Variants in WDR70 observed in about 807,000 individuals in gnomAD.
The protein encoded by WDR70 is WD repeat-containing protein 70.
Under a neutral mutation model 88.6 loss-of-function variants are expected in WDR70, and 53 were observed. That is an observed-to-expected ratio of 0.60 (90% CI 0.48 to 0.75). WDR70 has a LOEUF of 0.75. WDR70 is among the 30% of genes least tolerant of loss of function. WDR70 has a pLI of 0.00. For synonymous variants in WDR70, 280 were observed against 270.0 expected (o/e 1.04, Z -0.36); for missense variants, 610 against 823.2 (o/e 0.74, Z 3.17).
chr5:37,459,176 A>G (rs1206434881), intron 7 of WDR70, among the ~76,000 whole-genome samples: 1 of 69,844 alleles, frequency 1.4e-5, no homozygotes, highest in African/African-American at 4.7e-5. Context: ...GTTTGATTGC[A>G]CTGTGGTCTG....
chr5:37,564,912 T>A (rs947977370), intron 9 of WDR70, among the ~76,000 whole-genome samples: 1 of 152,226 alleles, frequency 6.6e-6, no homozygotes, highest in African/African-American at 2.4e-5. Context: ...TGTTAATTGA[T>A]ACTTTTCTAG....
At chr5:37,549,116 C>G (rs1742073912) in intron 9 of WDR70, among the ~76,000 whole-genome samples, 1 of 152,158 alleles carries the variant, frequency 6.6e-6, no homozygotes, top group Non-Finnish European at 1.5e-5. Flanking sequence ...ATAGCTTTGA[C>G]TATTCTGAGT....
At chr5:37,726,501 A>T (rs527521121) in intron 16 of WDR70, among the ~76,000 whole-genome samples, 2 of 152,224 alleles carry the variant, frequency 1.3e-5, no homozygotes, top group Non-Finnish European at 2.9e-5. Context: ...GACTTGGAAG[A>T]TGCCAAGCCC....
Position 37,728,783 on chromosome 5 carries a change from A to G in WDR70, c.1877+1738A>G, listed in dbSNP as rs73067728. 7.5e-3 allele frequency among the ~76,000 whole-genome samples: 1,139 copies of G among 152,234 alleles called. 18 individuals are homozygous for G. Among genetic ancestry groups the G allele is most frequent in the African/African-American group, 0.026 (1,073 of 41,556 alleles). On this transcript the variant is annotated intron_variant, in intron 17 of 17. Transcript: ENST00000265107. ...GGGAGTGATATTTTAAGACTATGCAAATCCTGTTTCTCCTCAATTTTGCTG... is the reference window on the plus strand; with the variant it reads ...GGGAGTGATATTTTAAGACTATGCAGATCCTGTTTCTCCTCAATTTTGCTG...
chr5:37,441,641 A>G lies in WDR70; in HGVS notation c.553-1598A>G, dbSNP rs189047118. ...GAGACCAGCCTGGTCAACAAGTGAAACCCCTTCTCTACTAAAAAATACAAA... is the reference window on the plus strand; with the variant it reads ...GAGACCAGCCTGGTCAACAAGTGAAGCCCCTTCTCTACTAAAAAATACAAA... On this transcript the variant is annotated intron_variant, in intron 6 of 17. Transcript: ENST00000265107. Among the ~76,000 whole-genome samples, 503 of 151,782 alleles carry G rather than the reference A, an allele frequency of 3.3e-3. 2 individuals are homozygous for G. The highest frequency in any genetic ancestry group is 0.031 in the Middle Eastern group (9 of 292).
chr5:37,421,375 A>G (rs1749941217), intron 5 of WDR70, among the ~76,000 whole-genome samples: 1 of 152,232 alleles, frequency 6.6e-6, no homozygotes, highest in South Asian at 2.1e-4. Context: ...ATGCTGATCA[A>G]TACTTAGTAC....
At chr5:37,561,397 C>T (rs958554103) in intron 9 of WDR70, among the ~76,000 whole-genome samples, 2 of 152,158 alleles carry the variant, frequency 1.3e-5, no homozygotes, top group Admixed American at 1.3e-4. Flanking sequence ...TAAAGTCTTC[C>T]TCATCGATAT....
intron 5 of WDR70, among the ~76,000 whole-genome samples, chr5:37,417,540 GTT>G (rs35357658): frequency 1.1e-3 from 155 of 143,044 alleles, no homozygotes; most frequent in Non-Finnish European, 1.4e-3. Flanking sequence ...CCCCACCGAC[GTT>G]TTTTTTTTTT....
chr5:37,740,149 C>G (rs777893433), intron 17 of WDR70, among the ~76,000 whole-genome samples: 4 of 152,160 alleles, frequency 2.6e-5, no homozygotes, highest in Admixed American at 6.6e-5. Context: ...GACCATCCCC[C>G]AGGGAAGAAA....
intron 10 of WDR70, among the ~76,000 whole-genome samples, chr5:37,649,780 CA>C (rs1441643026): frequency 1.8e-5 from 2 of 110,740 alleles, no homozygotes; most frequent in Non-Finnish European, 3.3e-5. Flanking sequence ...CTCTGTCGCC[CA>C]GGCTGGAGTG....
At chr5:37,660,224 C>G (rs995251206) in intron 10 of WDR70, among the ~76,000 whole-genome samples, 1 of 151,898 alleles carries the variant, frequency 6.6e-6, no homozygotes, top group African/African-American at 2.4e-5. Context: ...GTTTTTTGAT[C>G]CAGAATATAG....
intron 13 of WDR70, among the ~76,000 whole-genome samples, chr5:37,713,192 G>A (rs901154659): frequency 2.6e-5 from 4 of 152,158 alleles, no homozygotes; most frequent in Non-Finnish European, 4.4e-5. Flanking sequence ...GGAAGTTACA[G>A]GGTGAGATGA....
chr5:37,439,739 T>C (rs1018826119), intron 6 of WDR70, among the ~76,000 whole-genome samples: 14 of 151,908 alleles, frequency 9.2e-5, no homozygotes, highest in Admixed American at 6.6e-5. Context: ...TTCTTTTAAA[T>C]GAGTTATTTT....
intron 9 of WDR70, among the ~76,000 whole-genome samples, chr5:37,551,015 T>C (rs1742128040): frequency 6.6e-6 from 1 of 152,168 alleles, no homozygotes; most frequent in African/African-American, 2.4e-5. Context: ...AGAAAACTAG[T>C]GAAGACTGGC....
chr5:37,633,476 A>AT (rs963630359), intron 10 of WDR70, among the ~76,000 whole-genome samples: 1 of 151,666 alleles, frequency 6.6e-6, no homozygotes, highest in African/African-American at 2.4e-5. Flanking sequence ...CTTAAATGGA[A>AT]TTTTTTTGAC....
chr5:37,569,442 C>T (rs1192286670), intron 9 of WDR70, among the ~76,000 whole-genome samples: 1 of 151,902 alleles, frequency 6.6e-6, no homozygotes, highest in Non-Finnish European at 1.5e-5. Flanking sequence ...ATTAAATTGC[C>T]CTCTTGCAAA....
intron 10 of WDR70, among the ~76,000 whole-genome samples, chr5:37,642,669 T>A (rs1032264596): frequency 6.6e-6 from 1 of 152,178 alleles, no homozygotes; most frequent in Non-Finnish European, 1.5e-5. Context: ...ATTTCCTGTC[T>A]TTTGGATAAA....
chr5:37,404,534 G>C (rs933634846), intron 5 of WDR70, among the ~76,000 whole-genome samples: 1 of 152,000 alleles, frequency 6.6e-6, no homozygotes, highest in Non-Finnish European at 1.5e-5. Context: ...AATTTCTTTT[G>C]AAGATGGCAT....
intron 3 of WDR70, among the ~76,000 whole-genome samples, chr5:37,391,379 A>C (rs1438449689): frequency 1.3e-5 from 2 of 152,204 alleles, no homozygotes; most frequent in Admixed American, 6.5e-5. Flanking sequence ...TCATCTTGTA[A>C]GACTGAAACT....
Sources: gnomAD v4.1 joint callset for allele counts (sites outside exome capture counted in the v4.1 genomes callset) on GRCh38, gnomAD v4.1.1 for gene constraint, MANE v1.5 for transcripts, NCBI Gene and HGNC (gene_info 2026-07-23, HGNC 2026-07-21) for gene names.